Variants in RSAD1 observed in about 807,000 individuals in gnomAD.
RSAD1 encodes radical S-adenosyl methionine domain containing 1, also known as radical S-adenosyl methionine domain-containing protein 1, mitochondrial.
In RSAD1, 34 loss-of-function variants were observed where a neutral mutation model predicts 46.2. The ratio of observed to expected loss-of-function variants is 0.74; its 90% CI spans 0.56 to 0.98. The LOEUF is 0.98. Among genes scored for constraint, RSAD1 ranks in the 50% least tolerant of loss-of-function variants. The pLI is 0.00. For missense variants in RSAD1, 635 were observed against 592.3 expected, an observed-to-expected ratio of 1.07 and a Z score of -0.75; for synonymous variants, 260 against 253.5, an observed-to-expected ratio of 1.03 and a Z score of -0.24.
At chr17:50,483,642 G>A (rs1427971604) in intron 6 of RSAD1, 64 bp from the exon 7 acceptor site, 1 of 1,604,562 alleles carries the variant, frequency 6.2e-7, no homozygotes, top group East Asian at 2.2e-5. Flanking sequence ...TCCCAGTGTA[G>A]AATTTGGAGA....
rs186227927 is a variant in RSAD1, at chr17:50,484,698, A to T, written c.1212-46A>T. ...CGGCCCTGCTGGGTGATGGGCTTGA[A>T]ATTGGTAAGATGAAGTAGTCACCTT... On this transcript the variant is annotated intron_variant, in intron 8 of 8. Transcript: ENST00000258955. The T allele has an allele frequency of 7.0e-4, 1,104 of 1,580,770 alleles. 12 individuals carry two copies. In the Admixed American group the frequency reaches 0.017, roughly 24 times the overall value.
chr17:50,482,177 C>A lies in RSAD1; in HGVS notation c.561C>A (p.Leu187=). The A allele has an allele frequency of 6.3e-7, 1 of 1,581,574 alleles. No homozygotes were observed. The highest frequency in any genetic ancestry group is 2.3e-5 in the East Asian group (1 of 44,296). Residue 187 remains leucine (L), a synonymous_variant, in exon 4 of 9, where the codon CTC becomes CTA. Transcript: ENST00000258955. ...ALRTLAEARR[L]FPGRVSVDLM... ...GGACGCTGGCAGAGGCCCGGCGCCTCTTTCCCGGGCGCGTGTCTGTAGACT... is the reference window on the plus strand; with the variant it reads ...GGACGCTGGCAGAGGCCCGGCGCCTATTTCCCGGGCGCGTGTCTGTAGACT...
intron 7 of RSAD1, chr17:50,484,199 A>AG: frequency 1.9e-6 from 1 of 522,986 alleles, no homozygotes; most frequent in Non-Finnish European, 3.4e-6. Flanking sequence ...CTGAGAGGGG[A>AG]GGGAAGAGAG....
In RSAD1 at chr17:50,485,414, A is replaced by T. The variant is rs1434772134; in HGVS notation, c.*553A>T. 6.5e-6 allele frequency: 1 copy of T among 152,808 alleles called. No individual in the cohort carries two copies. Among genetic ancestry groups the T allele is most frequent in the Non-Finnish European group, 1.5e-5 (1 of 68,454 alleles). 9.5% of individuals were successfully genotyped at this position (152,808 alleles called of 1,614,324 possible). A position where few individuals can be genotyped will look rare whatever the true frequency, so the allele number is the denominator to read the frequency against. The stretch of plus-strand genomic sequence containing the variant: ...CAGGAGGCACAGAAAACTCCTGCTG[A>T]TGGTCTCAGCTTCCAGCAGCACAAA... On this transcript the variant is annotated 3_prime_UTR_variant, in exon 9 of 9. Coordinates refer to ENST00000258955, the MANE Select transcript of RSAD1 (RefSeq NM_018346.3).
intron 1 of RSAD1, 177 bp downstream of exon 1, chr17:50,479,196 A>G: frequency 4.7e-6 from 3 of 632,124 alleles, no homozygotes; most frequent in Non-Finnish European, 7.0e-6. Flanking sequence ...GACTTGGTCC[A>G]GAAACCTGAA....
In RSAD1 at chr17:50,483,474, G is replaced by A; in HGVS notation, c.1039G>A (p.Gly347Ser). 6.2e-7 allele frequency: 1 copy of A among 1,612,984 alleles called. No individual in the cohort carries two copies. The highest frequency in any genetic ancestry group is 8.5e-7 in the Non-Finnish European group (1 of 1,179,564). ...TGGCACCCGGAAGCGTGTCCCCCTGGGCAGGCTGGAGCTGTGAGCATCCAA... is the reference window on the plus strand; with the variant it reads ...TGGCACCCGGAAGCGTGTCCCCCTGAGCAGGCTGGAGCTGTGAGCATCCAA... ...GHGTRKRVPL[G>S]RLELLEEVLA... The change falls in exon 6 of 9, where the codon GGC becomes AGC. Residue 347 changes from glycine to serine, a missense_variant. Transcript: ENST00000258955.
Position 50,484,496 on chromosome 17 carries a change from A to G in RSAD1, c.1162A>G (p.Lys388Glu). ...CCTGTGGGATGTGTTTGGAGCGAAC[A>G]AGGAGGTGCAGGAGCTGCTGGAGCG... ...LTLWDVFGAN[K>E]EVQELLERGL... is the part of the protein sequence containing the mutation. The change falls in exon 8 of 9, where the codon AAG becomes GAG. Residue 388 changes from lysine to glutamate, a missense_variant. By Grantham distance (56) the Lys-to-Glu change is moderately conservative. Coordinates refer to ENST00000258955, the MANE Select transcript of RSAD1 (RefSeq NM_018346.3). The G allele has an allele frequency of 6.2e-7, 1 of 1,613,744 alleles. No individual in the cohort carries two copies. Among genetic ancestry groups the G allele is most frequent in the Non-Finnish European group, 8.5e-7 (1 of 1,180,008 alleles).
chr17:50,484,508 G>T lies in RSAD1; in HGVS notation c.1174G>T (p.Glu392Ter). 1 of 1,613,660 alleles carries T rather than the reference G, an allele frequency of 6.2e-7. No individual in the cohort carries two copies. The highest frequency in any genetic ancestry group is 1.1e-5 in the South Asian group (1 of 91,082). ...GTTTGGAGCGAACAAGGAGGTGCAG[G>T]AGCTGCTGGAGCGGGGCCTACTGCA... ...DVFGANKEVQ[E>*]LLERGLLQLD... The change falls in exon 8 of 9, where the codon GAG becomes TAG. Residue 392 changes from glutamate (E) to a stop codon, truncating the protein, a stop_gained. Coordinates refer to ENST00000258955, the MANE Select transcript of RSAD1 (RefSeq NM_018346.3). LOFTEE classifies it high-confidence loss of function.
chr17:50,483,877 A>G lies in RSAD1; in HGVS notation c.1107+117A>G, dbSNP rs757839565. ...TCCAATTTCTGTGAGATTGGCAGCTAGAAGTGGGGCCCAGGTCCAGCTGAG... is the reference window on the plus strand; with the variant it reads ...TCCAATTTCTGTGAGATTGGCAGCTGGAAGTGGGGCCCAGGTCCAGCTGAG... On this transcript the variant is annotated intron_variant, in intron 7 of 8. Coordinates refer to ENST00000258955, the MANE Select transcript of RSAD1 (RefSeq NM_018346.3). 8.5e-5 allele frequency: 87 copies of G among 1,024,200 alleles called. 1 individual carries two copies. Among genetic ancestry groups the G allele is most frequent in the Non-Finnish European group, 7.9e-5 (56 of 709,364 alleles). The allele number at this position is 1,024,200 out of a possible 1,614,324, so 63.4% of individuals were successfully genotyped here.
Position 50,485,445 on chromosome 17 carries a change from A to T in RSAD1, c.*584A>T, listed in dbSNP as rs1242643465. 2.6e-5 allele frequency: 4 copies of T among 152,590 alleles called. No individual in the cohort carries two copies. The highest frequency in any genetic ancestry group is 9.6e-5 in the African/African-American group (4 of 41,574). 9.5% of individuals were successfully genotyped at this position (152,590 alleles called of 1,614,324 possible). ...TCAGCTTCCAGCAGCACAAAAGCAG[A>T]TGATGTACTGGAAAATGCTCAGAAG... On this transcript the variant is annotated 3_prime_UTR_variant, in exon 9 of 9. Coordinates refer to ENST00000258955, the MANE Select transcript of RSAD1 (RefSeq NM_018346.3).
At position 50,484,496 on chromosome 17, in the gene RSAD1, A is replaced by AAGGAGGTGC; in HGVS notation, c.1168_1176dup (p.Val390_Glu392dup). On this transcript the variant is annotated inframe_insertion, in exon 8 of 9. Coordinates refer to ENST00000258955, the MANE Select transcript of RSAD1 (RefSeq NM_018346.3). Reference sequence around the variant, plus strand: ...CCTGTGGGATGTGTTTGGAGCGAACAAGGAGGTGCAGGAGCTGCTGGAGCG... The same window carrying AAGGAGGTGC: ...CCTGTGGGATGTGTTTGGAGCGAACAAGGAGGTGCAGGAGGTGCAGGAGCTGCTGGAGCG... The AAGGAGGTGC allele has an allele frequency of 2.5e-6, 4 of 1,613,744 alleles. No homozygotes were observed. The highest frequency in any genetic ancestry group is 3.4e-6 in the Non-Finnish European group (4 of 1,180,008).
intron 3 of RSAD1, chr17:50,480,534 A>G: frequency 5.1e-6 from 1 of 194,612 alleles, no homozygotes; most frequent in South Asian, 8.9e-5. Flanking sequence ...TCACCAGGTG[A>G]GGGGGTGTGG....
rs755742208 is a variant in RSAD1 at position 50,478,988 on chromosome 17, C to T, written c.104C>T (p.Pro35Leu). The change falls in exon 1 of 9, where the codon CCT (proline) becomes CTT (leucine). Residue 35 changes from proline to leucine, a missense_variant. Coordinates refer to ENST00000258955, the MANE Select transcript of RSAD1 (RefSeq NM_018346.3). ...GCAGGAGGGTCCCCGAGTCCTGAGC[C>T]TGCGGGCCGGCGCGCGGCGCTTTAC... The part of the protein sequence containing the change: ...ENAGGSPSPE[P>L]AGRRAALYVH... 6 of 1,387,002 alleles carry T rather than the reference C, an allele frequency of 4.3e-6. No individual in the cohort carries two copies. The highest frequency in any genetic ancestry group is 4.6e-6 in the Non-Finnish European group (5 of 1,076,256). 85.9% of individuals were successfully genotyped at this position (1,387,002 alleles called of 1,614,324 possible).
Position 50,482,153 on chromosome 17 carries a change from G to A in RSAD1, c.537G>A (p.Arg179=). ...CGCACTCGGCCTGCGATGCTCTGCG[G>A]ACGCTGGCAGAGGCCCGGCGCCTCT... ...GRTHSACDAL[R]TLAEARRLFP... is the part of the protein sequence containing the mutation. The change falls in exon 4 of 9, where the codon CGG becomes CGA. Residue 179 remains arginine, a synonymous_variant. Coordinates refer to ENST00000258955, the MANE Select transcript of RSAD1 (RefSeq NM_018346.3). 6.3e-7 allele frequency: 1 copy of A among 1,591,110 alleles called. No individual in the cohort carries two copies. Among genetic ancestry groups the A allele is most frequent in the East Asian group, 2.3e-5 (1 of 44,358 alleles).
At position 50,478,970 on chromosome 17, in the gene RSAD1, G is replaced by C; in HGVS notation, c.86G>C (p.Gly29Ala). Reference sequence around the variant, plus strand: ...CGCCGCCGCGTGGAGAACGCAGGAGGGTCCCCGAGTCCTGAGCCTGCGGGC... The same window carrying C: ...CGCCGCCGCGTGGAGAACGCAGGAGCGTCCCCGAGTCCTGAGCCTGCGGGC... ...QRRRRVENAG[G>A]SPSPEPAGRR... Residue 29 changes from glycine to alanine, a missense_variant, in exon 1 of 9, where the codon GGG becomes GCG. By Grantham distance (60) the Gly-to-Ala change is moderately conservative. Transcript: ENST00000258955. 1 of 1,402,780 alleles carries C rather than the reference G, an allele frequency of 7.1e-7. No homozygotes were observed. The highest frequency in any genetic ancestry group is 9.2e-7 in the Non-Finnish European group (1 of 1,084,576). The allele number at this position is 1,402,780 out of a possible 1,614,324, so 86.9% of individuals were successfully genotyped here. A position where few individuals can be genotyped will look rare whatever the true frequency, so the allele number is the denominator to read the frequency against.
chr17:50,481,746 AAGACTTG>A (rs1322242940), intron 3 of RSAD1, among the ~76,000 whole-genome samples: 1 of 152,236 alleles, frequency 6.6e-6, no homozygotes, highest in African/African-American at 2.4e-5. Flanking sequence ...AAAGTAAATA[AAGACTTG>A]ATTTTGGAGT....
rs752754572 is a variant in RSAD1 at position 50,484,875 on chromosome 17, G to A, written c.*14G>A. The A allele has an allele frequency of 1.9e-6, 3 of 1,608,640 alleles. No homozygotes were observed. The highest frequency in any genetic ancestry group is 2.6e-6 in the Non-Finnish European group (3 of 1,175,224). The stretch of plus-strand genomic sequence containing the variant: ...CCAGGAGGATGACAAAAATGTTCCT[G>A]TGTTCCAGGGTAATGCCAGGTGGGT... On this transcript the variant is annotated 3_prime_UTR_variant, in exon 9 of 9. Coordinates refer to ENST00000258955, the MANE Select transcript of RSAD1 (RefSeq NM_018346.3).
rs2033412059 is a variant in RSAD1 at position 50,483,557 on chromosome 17, C to A, written c.1052+70C>A. ...CCCAAGACCATGTCTATTTGTATAT[C>A]TTTTATTTCCTGTCTTGTCCTGGCC... is the stretch of plus-strand genomic sequence containing the variant. On this transcript the variant is annotated intron_variant, in intron 6 of 8. Coordinates refer to ENST00000258955, the MANE Select transcript of RSAD1 (RefSeq NM_018346.3). 3 of 1,590,168 alleles carry A rather than the reference C, an allele frequency of 1.9e-6. No individual in the cohort carries two copies. In the East Asian group the frequency reaches 6.8e-5, roughly 36 times the overall value.
At chr17:50,482,920 C>T (rs1207218067) in intron 5 of RSAD1, among the ~76,000 whole-genome samples, 1 of 151,990 alleles carries the variant, frequency 6.6e-6, no homozygotes, top group Non-Finnish European at 1.5e-5. Flanking sequence ...GTATGAGAAT[C>T]TCCTGGAGGG....
Sources: gnomAD v4.1 joint callset for allele counts (sites outside exome capture counted in the v4.1 genomes callset) on GRCh38, gnomAD v4.1.1 for gene constraint, MANE v1.5 for transcripts, NCBI Gene and HGNC (gene_info 2026-07-23, HGNC 2026-07-21) for gene names.